Variants in CDK14 observed in about 807,000 individuals in gnomAD.
CDK14 encodes the protein cyclin dependent kinase 14.
In CDK14, 34 loss-of-function variants were observed where a neutral mutation model predicts 60.7. The ratio of observed to expected loss-of-function variants is 0.56; its 90% CI spans 0.43 to 0.75. CDK14 has a LOEUF of 0.75. Among genes scored for constraint, CDK14 ranks in the 30% least tolerant of loss-of-function variants. CDK14 has a pLI of 0.00. For synonymous variants in CDK14, 197 were observed against 203.7 expected (o/e 0.97, Z 0.28); for missense variants, 482 against 564.1 (o/e 0.85, Z 1.47).
At chr7:91,070,542 T>C (rs1338612861) in intron 11 of CDK14, among the ~76,000 whole-genome samples, 2 of 152,134 alleles carry the variant, frequency 1.3e-5, no homozygotes, top group Admixed American at 1.3e-4. Context: ...GAGGATTGCT[T>C]GAGCCCAGGA....
intron 7 of CDK14, among the ~76,000 whole-genome samples, chr7:90,908,066 G>A (rs778812919): frequency 1.3e-5 from 2 of 152,066 alleles, no homozygotes; most frequent in Admixed American, 6.6e-5. Context: ...GGCCATTAAA[G>A]AATATTTTAA....
chr7:90,604,546 T>C (rs1464348975), intron 2 of CDK14, among the ~76,000 whole-genome samples: 2 of 152,212 alleles, frequency 1.3e-5, no homozygotes, highest in Non-Finnish European at 2.9e-5. Flanking sequence ...CGCAGAGTGA[T>C]GTACGTGCTT....
At chr7:90,929,900 G>A (rs1408323544) in intron 8 of CDK14, among the ~76,000 whole-genome samples, 1 of 152,156 alleles carries the variant, frequency 6.6e-6, no homozygotes, top group Non-Finnish European at 1.5e-5. Flanking sequence ...TACTACTGCT[G>A]TCCAATTTCA....
intron 2 of CDK14, among the ~76,000 whole-genome samples, chr7:90,675,512 T>G (rs1331869920): frequency 6.6e-6 from 1 of 152,188 alleles, no homozygotes; most frequent in Admixed American, 6.5e-5. Flanking sequence ...TATTTTAAAG[T>G]TGATAGGACG....
chr7:91,201,651 G>C (rs1307247782), intron 14 of CDK14, among the ~76,000 whole-genome samples: 1 of 152,132 alleles, frequency 6.6e-6, no homozygotes, highest in Non-Finnish European at 1.5e-5. Context: ...CCTCAGCGAT[G>C]TTGTCCCTCC....
intron 4 of CDK14, among the ~76,000 whole-genome samples, chr7:90,750,591 G>C (rs1337077143): frequency 2.0e-5 from 3 of 152,206 alleles, no homozygotes; most frequent in African/African-American, 7.2e-5. Flanking sequence ...ATACAATTGA[G>C]GCCGGACGTG....
chr7:90,642,922 C>A (rs1162346852), intron 2 of CDK14, among the ~76,000 whole-genome samples: 2 of 152,144 alleles, frequency 1.3e-5, no homozygotes, highest in African/African-American at 4.8e-5. Flanking sequence ...ACTGAATACC[C>A]ACTCTGTGTC....
chr7:90,759,943 A>G (rs762438387), intron 4 of CDK14, among the ~76,000 whole-genome samples: 1 of 152,212 alleles, frequency 6.6e-6, no homozygotes, highest in Non-Finnish European at 1.5e-5. Flanking sequence ...TGCCAAAGAA[A>G]AGCCTGCCCA....
chr7:90,624,931 C>T (rs549394278), intron 2 of CDK14, among the ~76,000 whole-genome samples: 12 of 152,294 alleles, frequency 7.9e-5, no homozygotes, highest in Admixed American at 2.6e-4. Context: ...CTTAACATCT[C>T]GATGCCTCAG....
At chr7:90,735,715 C>T (rs1015779744) in intron 3 of CDK14, among the ~76,000 whole-genome samples, 10 of 152,224 alleles carry the variant, frequency 6.6e-5, no homozygotes, top group South Asian at 6.2e-4. Context: ...CACACTGCTA[C>T]GCTGGCAGCG....
chr7:90,613,803 A>G (rs1436790331), intron 2 of CDK14, among the ~76,000 whole-genome samples: 1 of 152,166 alleles, frequency 6.6e-6, no homozygotes, highest in Non-Finnish European at 1.5e-5. Flanking sequence ...GCAGTACATT[A>G]TGCCTATTTT....
At chr7:91,061,525 G>A (rs1797785316) in intron 11 of CDK14, among the ~76,000 whole-genome samples, 1 of 152,132 alleles carries the variant, frequency 6.6e-6, no homozygotes, top group African/African-American at 2.4e-5. Context: ...CCCCATCTTT[G>A]TGGTTTTATC....
intron 2 of CDK14, among the ~76,000 whole-genome samples, chr7:90,657,955 G>A (rs1206551559): frequency 6.6e-6 from 1 of 152,138 alleles, no homozygotes; most frequent in Non-Finnish European, 1.5e-5. Context: ...TTTGCCATAA[G>A]ATCTAATTTT....
At chr7:91,034,740 C>T (rs1340576051) in intron 10 of CDK14, among the ~76,000 whole-genome samples, 1 of 152,148 alleles carries the variant, frequency 6.6e-6, no homozygotes, top group Admixed American at 6.6e-5. Flanking sequence ...CTCCGCAAAA[C>T]ACAACCCAGA....
chr7:90,826,329 C>T (rs1182707225), intron 5 of CDK14, among the ~76,000 whole-genome samples: 1 of 152,114 alleles, frequency 6.6e-6, no homozygotes, highest in Non-Finnish European at 1.5e-5. Context: ...AGCAATTCTC[C>T]TGCCTCAGCC....
intron 6 of CDK14, among the ~76,000 whole-genome samples, 176 bp from the exon 7 acceptor site, chr7:90,899,115 A>C (rs1410074289): frequency 2.0e-5 from 3 of 151,908 alleles, no homozygotes; most frequent in African/African-American, 7.2e-5. Context: ...ATAATGATTC[A>C]ATTGTGTTTA....
At chr7:91,129,536 T>G (rs948154657) in intron 14 of CDK14, among the ~76,000 whole-genome samples, 2 of 152,174 alleles carry the variant, frequency 1.3e-5, no homozygotes, top group Non-Finnish European at 2.9e-5. Context: ...TTGTTTGAGT[T>G]GTAAGCTGAA....
intron 1 of CDK14, among the ~76,000 whole-genome samples, chr7:90,600,352 G>GAAGGAGAAAGGCTTTATGT (rs1271605396): frequency 6.6e-6 from 1 of 152,128 alleles, no homozygotes; most frequent in African/African-American, 2.4e-5. Context: ...TGTTAGCCTA[G>GAAGGAGAAAGGCTTTATGT]AAGGAGAAAG....
At chr7:91,024,399 T>TC (rs1252130297) in intron 10 of CDK14, among the ~76,000 whole-genome samples, 3 of 151,978 alleles carry the variant, frequency 2.0e-5, no homozygotes, top group Non-Finnish European at 4.4e-5. Flanking sequence ...ATGCCTGTAA[T>TC]CCCAGCACTT....
Sources: allele counts gnomAD v4.1 joint callset (sites outside exome capture counted in the v4.1 genomes callset), GRCh38; gene constraint gnomAD v4.1.1; transcripts MANE v1.5; gene names NCBI Gene and HGNC (gene_info 2026-07-23, HGNC 2026-07-21).